OC90: variants seen among roughly 807,000 people sequenced by gnomAD.
The protein encoded by OC90 is otoconin-90.
Under a neutral mutation model 47.3 loss-of-function variants are expected in OC90, and 46 were observed. The observed-to-expected ratio is 0.97, with a 90% CI of 0.77 to 1.24. The LOEUF is 1.24. Among genes scored for constraint, OC90 ranks in the 50% most tolerant of loss-of-function variants. OC90 has a pLI of 0.00. For missense variants in OC90, 688 were observed against 583.9 expected, an observed-to-expected ratio of 1.18 and a Z score of -1.84; for synonymous variants, 271 against 219.5, an observed-to-expected ratio of 1.23 and a Z score of -2.07.
intron 13 of OC90, among the ~76,000 whole-genome samples, chr8:132,025,034 C>T (rs1822735666): frequency 6.6e-6 from 1 of 152,262 alleles, no homozygotes; most frequent in African/African-American, 2.4e-5. Context: ...GAAAGTTTGC[C>T]TGAGCTGCCA....
intron 8 of OC90, among the ~76,000 whole-genome samples, chr8:132,038,416 G>A (rs866231898): frequency 1.1e-4 from 17 of 152,254 alleles, no homozygotes; most frequent in Middle Eastern, 3.4e-3. Context: ...GCAGCCAGGA[G>A]CTTACTTAGT....
chr8:132,046,312 C>CA (rs1041555834), intron 2 of OC90, among the ~76,000 whole-genome samples: 1 of 152,164 alleles, frequency 6.6e-6, no homozygotes, highest in African/African-American at 2.4e-5. Flanking sequence ...TTATCAGCAT[C>CA]AGAATCACCT....
At position 132,037,609 on chromosome 8, in the gene OC90, GCTTA is replaced by G. The variant is rs144466543; in HGVS notation, c.629-125_629-122del. On this transcript the variant is annotated intron_variant, in intron 8 of 13. Transcript: ENST00000254627. ...AAGGGAGGAAAGGGGCTGAGAAAGG[GCTTA>G]CTAAGAAGAGCTGTTCATCCTGTCT... The G allele has an allele frequency of 6.0e-4, 490 of 812,936 alleles. 4 individuals are homozygous for G. The African/African-American group carries it at 7.3e-3, about 12-fold the overall frequency. The allele number at this position is 812,936 out of a possible 1,614,324, so 50.4% of individuals were successfully genotyped here.
In OC90 at chr8:132,054,044, G is replaced by A. The variant is rs555585669; in HGVS notation, c.46+937C>T. ...GTATCTGACTCAGATTGCTACTGGG[G>A]CAGCCATGAGAAGGGACCTTGCGGA... On this transcript the variant is annotated intron_variant, in intron 2 of 13. Transcript: ENST00000254627. Among the ~76,000 whole-genome samples the A allele has an allele frequency of 1.3e-4, 20 of 152,160 alleles. 1 individual carries two copies. Among genetic ancestry groups the A allele is most frequent in the Admixed American group, 1.3e-3 (20 of 15,276 alleles).
chr8:132,041,704 G>A lies in OC90; in HGVS notation c.170-5C>T, dbSNP rs1586712096. The A allele has an allele frequency of 5.3e-6, 8 of 1,515,928 alleles. No individual in the cohort carries two copies. In the African/African-American group the frequency reaches 6.9e-5, roughly 13 times the overall value. The allele number at this position is 1,515,928 out of a possible 1,614,324, so 93.9% of individuals were successfully genotyped here. On this transcript the variant is annotated splice_polypyrimidine_tract_variant and splice_region_variant and intron_variant, in intron 4 of 13. Coordinates refer to ENST00000254627, the MANE Select transcript of OC90 (RefSeq NM_001080399.3). ...TGAAGTGGGGGCCCAGGCAATCTGT[G>A]GGGGTGGGGGGCAGGGCCTGATAAG...
intron 9 of OC90, chr8:132,036,293 G>C (rs1208049559): frequency 6.4e-6 from 5 of 776,594 alleles, no homozygotes; most frequent in Non-Finnish European, 1.2e-5. Context: ...TCACAGGACT[G>C]AGCACAGATT....
At chr8:132,033,282 C>T (rs1164530419) in intron 10 of OC90, 118 bp from the exon 11 acceptor site, 3 of 1,037,200 alleles carry the variant, frequency 2.9e-6, no homozygotes, top group Non-Finnish European at 2.8e-6. Context: ...GGAGAATGTT[C>T]CTCAAACTGG....
At chr8:132,030,123 G>T (rs540201869) in intron 12 of OC90, among the ~76,000 whole-genome samples, 12 of 152,204 alleles carry the variant, frequency 7.9e-5, no homozygotes, top group Admixed American at 1.3e-4. Context: ...TAGCACAAAA[G>T]AGACACACAA....
Position 132,054,966 on chromosome 8 carries a change from G to A in OC90, c.46+15C>T. On this transcript the variant is annotated intron_variant, in intron 2 of 13. Coordinates refer to ENST00000254627, the MANE Select transcript of OC90 (RefSeq NM_001080399.3). ...ATGCTAAGCTGGAACTATGGTGTAA[G>A]ATATCATTACTCACCGGCATGGGGG... The A allele has an allele frequency of 6.5e-7, 1 of 1,539,196 alleles. No individual in the cohort carries two copies. The highest frequency in any genetic ancestry group is 1.4e-5 in the African/African-American group (1 of 72,664).
At chr8:132,033,745 G>C (rs1369278012) in intron 10 of OC90, among the ~76,000 whole-genome samples, 1 of 152,076 alleles carries the variant, frequency 6.6e-6, no homozygotes, top group African/African-American at 2.4e-5. Flanking sequence ...ATCTCCCTTT[G>C]CTCTGATGTG....
chr8:132,025,357 C>A (rs183195288), intron 13 of OC90, among the ~76,000 whole-genome samples: 1 of 152,090 alleles, frequency 6.6e-6, no homozygotes. Context: ...CTTAAAATGG[C>A]GAGTTTGACT....
At chr8:132,032,087 C>G in intron 11 of OC90, 35 bp from the exon 12 acceptor site, 2 of 1,599,926 alleles carry the variant, frequency 1.3e-6, no homozygotes, top group Middle Eastern at 1.7e-4. Flanking sequence ...AGAGCAAGGA[C>G]TGTCGGGGCA....
rs773141933 is a variant in OC90 at position 132,039,017 on chromosome 8, G to A, written c.564C>T (p.Ser188=). The A allele has an allele frequency of 1.2e-6, 2 of 1,613,976 alleles. No individual in the cohort carries two copies. Among genetic ancestry groups the A allele is most frequent in the East Asian group, 2.2e-5 (1 of 44,880 alleles). ...LNSSLNLLDT[S]FCLAQTPETT... is the part of the protein sequence containing the mutation. ...TACCTGGAGTCTGAGCCAGGCAGAA[G>A]GAGGTGTCCAGAAGGTTCAGGGAAG... The change falls in exon 7 of 14, where the codon TCC becomes TCT. Residue 188 remains serine, a synonymous_variant. Transcript: ENST00000254627.
In OC90 at chr8:132,039,016, A is replaced by C; in HGVS notation, c.565T>G (p.Phe189Val). 1 of 1,613,986 alleles carries C rather than the reference A, an allele frequency of 6.2e-7. No individual in the cohort carries two copies. The highest frequency in any genetic ancestry group is 8.5e-7 in the Non-Finnish European group (1 of 1,179,888). ...CTACCTGGAGTCTGAGCCAGGCAGA[A>C]GGAGGTGTCCAGAAGGTTCAGGGAA... is the stretch of plus-strand genomic sequence containing the variant. Reference protein sequence around the residue: ...NSSLNLLDTSFCLAQTPETTI... With the variant: ...NSSLNLLDTSVCLAQTPETTI... The change falls in exon 7 of 14, where the codon TTC (phenylalanine) becomes GTC (valine). Residue 189 changes from phenylalanine to valine, a missense_variant. Phe to Val is a conservative substitution (Grantham distance 50). Transcript: ENST00000254627.
At chr8:132,054,634 G>A (rs1301563228) in intron 2 of OC90, among the ~76,000 whole-genome samples, 9 of 152,196 alleles carry the variant, frequency 5.9e-5, no homozygotes, top group African/African-American at 1.7e-4. Context: ...AAATGGATAC[G>A]ATTGCACGTA....
chr8:132,032,832 C>G (rs925902809), intron 11 of OC90, among the ~76,000 whole-genome samples: 3 of 152,118 alleles, frequency 2.0e-5, no homozygotes, highest in East Asian at 1.9e-4. Context: ...GGCTCCTCCC[C>G]CCAGGCTCAG....
chr8:132,027,790 A>G (rs1042282263), intron 13 of OC90, among the ~76,000 whole-genome samples: 1 of 152,238 alleles, frequency 6.6e-6, no homozygotes, highest in African/African-American at 2.4e-5. Flanking sequence ...CTCTTCAGCC[A>G]GGGCCAGTCC....
chr8:132,041,351 C>A (rs559294140), intron 5 of OC90, among the ~76,000 whole-genome samples, 174 bp downstream of exon 5: 1 of 152,306 alleles, frequency 6.6e-6, no homozygotes, highest in African/African-American at 2.4e-5. Flanking sequence ...GAGCTGATCA[C>A]AGATGACATT....
At chr8:132,024,833 G>A in intron 13 of OC90, 57 bp from the exon 14 acceptor site, 1 of 1,477,894 alleles carries the variant, frequency 6.8e-7, no homozygotes, top group Non-Finnish European at 9.2e-7. Context: ...GCACTGGGAG[G>A]CCCCACGGCC....
Sources: gnomAD v4.1 joint callset for allele counts (sites outside exome capture counted in the v4.1 genomes callset) on GRCh38, gnomAD v4.1.1 for gene constraint, MANE v1.5 for transcripts, NCBI Gene and HGNC (gene_info 2026-07-23, HGNC 2026-07-21) for gene names.